The following FOCAD variants were observed in gnomAD, a reference collection of about 807,000 sequenced individuals.
FOCAD encodes the protein focadhesin, also known as KIAA1797.
Under a neutral mutation model 225.6 loss-of-function variants are expected in FOCAD, and 198 were observed. The observed-to-expected ratio is 0.88, with a 90% CI of 0.78 to 0.99. FOCAD has a LOEUF of 0.99. FOCAD is among the 50% of genes least tolerant of loss of function. The probability of loss-of-function intolerance (pLI) is 0.00; values close to 1 mark genes in which losing one functional copy is unlikely to be tolerated. For synonymous variants in FOCAD, 897 were observed against 755.0 expected (o/e 1.19, Z -3.08); for missense variants, 2,713 against 2,123.6 (o/e 1.28, Z -5.46).
rs556429493 is a variant in FOCAD at position 20,912,943 on chromosome 9, A to G, written c.2796A>G (p.Thr932=). ...AGGAGGTGCAGTACAAAAAAAGCAC[A>G]GCCTGGCTCTGGTAAGTGTTCATGT... ...EPEEVQYKKS[T]AWLWVRDMLT... is the part of the protein sequence containing the mutation. Residue 932 remains threonine, a synonymous_variant, in exon 23 of 44, where the codon ACA becomes ACG. Coordinates refer to ENST00000338382, the MANE Select transcript of FOCAD (RefSeq NM_001375567.1). 1.2e-6 allele frequency: 2 copies of G among 1,612,738 alleles called. No homozygotes were observed. Among genetic ancestry groups the G allele is most frequent in the Admixed American group, 3.3e-5 (2 of 59,828 alleles).
At chr9:20,760,870 C>T (rs987266524) in intron 6 of FOCAD, among the ~76,000 whole-genome samples, 6 of 152,066 alleles carry the variant, frequency 3.9e-5, no homozygotes, top group African/African-American at 1.4e-4. Flanking sequence ...TGCACTTCAG[C>T]CTGGGTGACA....
intron 17 of FOCAD, among the ~76,000 whole-genome samples, 171 bp from the exon 18 acceptor site, chr9:20,866,758 C>T (rs1829297779): frequency 6.6e-6 from 1 of 151,586 alleles, no homozygotes; most frequent in Admixed American, 6.6e-5. Context: ...AGTAAATATC[C>T]TTTTAGCTAG....
rs1193012099 is a variant in FOCAD, at chr9:20,973,385, CT to C, written c.4133-3021del. ...TTTCCCATGTTTCTCCTTTCTGCAG[CT>C]TTTTTTTTTTTTTCTGCTGACTCTT... On this transcript the variant is annotated intron_variant, in intron 35 of 43. Coordinates refer to ENST00000338382, the MANE Select transcript of FOCAD (RefSeq NM_001375567.1). Among the ~76,000 whole-genome samples the C allele has an allele frequency of 8.2e-3, 1,177 of 144,268 alleles. 20 individuals carry two copies. Among genetic ancestry groups the C allele is most frequent in the East Asian group, 0.043 (212 of 4,972 alleles). The allele number at this position is 144,268 out of a possible 152,430, so 94.6% of individuals were successfully genotyped here. A position where few individuals can be genotyped will look rare whatever the true frequency, so the allele number is the denominator to read the frequency against.
In FOCAD at chr9:20,941,046, C is replaced by G. The variant is rs1400575942; in HGVS notation, c.3408-3581C>G. 2.6e-5 allele frequency among the ~76,000 whole-genome samples: 4 copies of G among 151,920 alleles called. No individual in the cohort carries two copies. The East Asian group carries it at 7.7e-4, about 29-fold the overall frequency. On this transcript the variant is annotated intron_variant, in intron 28 of 43. Coordinates refer to ENST00000338382, the MANE Select transcript of FOCAD (RefSeq NM_001375567.1). The stretch of plus-strand genomic sequence containing the variant: ...CTCATGATTTAAAGTATTCCCTTAT[C>G]TAATGAGATTTCAGGAGTCTAGGGC...
chr9:20,791,451 C>G (rs1419531513), intron 11 of FOCAD, among the ~76,000 whole-genome samples: 1 of 152,054 alleles, frequency 6.6e-6, no homozygotes, highest in Non-Finnish European at 1.5e-5. Context: ...AATAGTATAT[C>G]CATCACCTCA....
At chr9:20,738,154 A>G (rs1827300496) in intron 4 of FOCAD, among the ~76,000 whole-genome samples, 1 of 152,226 alleles carries the variant, frequency 6.6e-6, no homozygotes, top group South Asian at 2.1e-4. Flanking sequence ...AAGCTCTGGC[A>G]TAAGAGGAGT....
At chr9:20,724,326 C>T (rs1034849289) in intron 4 of FOCAD, among the ~76,000 whole-genome samples, 11 of 151,916 alleles carry the variant, frequency 7.2e-5, no homozygotes, top group African/African-American at 2.7e-4. Flanking sequence ...TGTTTCAGTC[C>T]TTAATCTTAT....
chr9:20,946,232 A>G (rs1038496115), intron 29 of FOCAD, among the ~76,000 whole-genome samples: 11 of 152,098 alleles, frequency 7.2e-5, no homozygotes, highest in African/African-American at 2.4e-4. Flanking sequence ...ATGCTCCACT[A>G]CTTCTCCTAG....
At chr9:20,805,614 C>G (rs1331493744) in intron 11 of FOCAD, among the ~76,000 whole-genome samples, 2 of 151,912 alleles carry the variant, frequency 1.3e-5, no homozygotes, top group African/African-American at 2.4e-5. Context: ...CTAAAGCTTT[C>G]TTATTTTATT....
intron 35 of FOCAD, 28 bp downstream of exon 35, chr9:20,953,093 T>G (rs1455702965): frequency 6.5e-7 from 1 of 1,544,058 alleles, no homozygotes; most frequent in South Asian, 1.1e-5. Flanking sequence ...TTGAATTTTA[T>G]CATTCTATCT....
At chr9:20,670,439 AG>A (rs1192401130) in intron 2 of FOCAD, among the ~76,000 whole-genome samples, 1 of 152,232 alleles carries the variant, frequency 6.6e-6, no homozygotes, top group Non-Finnish European at 1.5e-5. Context: ...GGGAGGCCTC[AG>A]GAAATTTACA....
chr9:20,731,583 T>A (rs1826706240), intron 4 of FOCAD, among the ~76,000 whole-genome samples: 1 of 152,228 alleles, frequency 6.6e-6, no homozygotes, highest in South Asian at 2.1e-4. Context: ...GTACCTGAGC[T>A]GTATCCATCC....
intron 10 of FOCAD, among the ~76,000 whole-genome samples, chr9:20,787,474 G>C (rs1820039947): frequency 6.6e-6 from 1 of 152,070 alleles, no homozygotes; most frequent in Admixed American, 6.6e-5. Flanking sequence ...AAATTTTATG[G>C]TGTTTGTCAT....
upstream of FOCAD, among the ~76,000 whole-genome samples, chr9:20,656,789 T>A (rs1821492860): frequency 6.6e-6 from 1 of 152,226 alleles, no homozygotes; most frequent in African/African-American, 2.4e-5. Context: ...TTAAAGTTAA[T>A]AGCGTTATGT....
chr9:20,863,300 G>A (rs903094899), intron 16 of FOCAD: 1 of 151,124 alleles, frequency 6.6e-6, no homozygotes, highest in Non-Finnish European at 1.5e-5. Flanking sequence ...CCTTCAAAGA[G>A]CAGCAGTTGA....
intron 11 of FOCAD, among the ~76,000 whole-genome samples, chr9:20,804,463 A>G (rs562872155): frequency 6.6e-6 from 1 of 152,100 alleles, no homozygotes; most frequent in East Asian, 1.9e-4. Flanking sequence ...TCCTGGAATC[A>G]TTTTTAAAAC....
chr9:20,917,407 T>G (rs1220414719), intron 24 of FOCAD, among the ~76,000 whole-genome samples: 2 of 152,220 alleles, frequency 1.3e-5, no homozygotes, highest in African/African-American at 4.8e-5. Flanking sequence ...AAAAGCAGTT[T>G]TAGTCATATG....
In FOCAD at chr9:20,770,063, T is replaced by C; in HGVS notation, c.731T>C (p.Met244Thr). Residue 244 changes from methionine to threonine, a missense_variant, in exon 8 of 44, where the codon ATG becomes ACG. Physicochemically the swap from Met to Thr is moderately conservative, Grantham distance 81. Transcript: ENST00000338382. ...VKDLIQTTEA[M>T]MFIEEVCLSL... ...GATTTGATACAGACAACAGAGGCGATGATGTTTATTGAGGAAGTATGTTTA... is the reference window on the plus strand; with the variant it reads ...GATTTGATACAGACAACAGAGGCGACGATGTTTATTGAGGAAGTATGTTTA... 6.2e-7 allele frequency: 1 copy of C among 1,614,022 alleles called. No individual in the cohort carries two copies. The highest frequency in any genetic ancestry group is 8.5e-7 in the Non-Finnish European group (1 of 1,179,942).
intron 39 of FOCAD, among the ~76,000 whole-genome samples, chr9:20,985,013 C>A (rs1841027636): frequency 6.6e-6 from 1 of 152,138 alleles, no homozygotes; most frequent in Non-Finnish European, 1.5e-5. Context: ...GTTGGCCAGG[C>A]TGGTTTTGAC....
Sources: allele counts gnomAD v4.1 joint callset (sites outside exome capture counted in the v4.1 genomes callset), GRCh38; gene constraint gnomAD v4.1.1; transcripts MANE v1.5; gene names NCBI Gene and HGNC (gene_info 2026-07-23, HGNC 2026-07-21).